Variants in HOATZ observed in about 807,000 individuals in gnomAD.
HOATZ encodes HOATZ cilia and flagella associated protein.
In HOATZ, 26 loss-of-function variants were observed where a neutral mutation model predicts 24.9. The observed-to-expected ratio is 1.04, with a 90% CI of 0.76 to 1.45. The LOEUF is 1.45. Ranked by LOEUF, HOATZ falls within the 40% of genes most tolerant of loss-of-function variation. HOATZ has a pLI of 0.00. For missense variants in HOATZ, 226 were observed against 201.5 expected, an observed-to-expected ratio of 1.12 and a Z score of -0.74; for synonymous variants, 83 against 76.6, an observed-to-expected ratio of 1.08 and a Z score of -0.43.
Position 111,533,763 on chromosome 11 carries a change from G to C in HOATZ, c.357G>C (p.Glu119Asp). 1 of 1,581,258 alleles carries C rather than the reference G, an allele frequency of 6.3e-7. No homozygotes were observed. The highest frequency in any genetic ancestry group is 8.5e-7 in the Non-Finnish European group (1 of 1,170,164). ...KYLQKAKTRE[E>D]ILQLLRKQRE... is the part of the protein sequence containing the mutation. ...TTAAACAGGCTAAAACAAGAGAAGA[G>C]ATTCTCCAACTCTTAAGAAAACAAA... The change falls in exon 4 of 6, where the codon GAG becomes GAC. Residue 119 changes from glutamate to aspartate, a missense_variant. By Grantham distance (45) the Glu-to-Asp change is conservative. Transcript: ENST00000375618.
rs1232484335 is a variant in HOATZ at position 111,533,755 on chromosome 11, A to G, written c.349A>G (p.Arg117Gly). 1 of 1,588,418 alleles carries G rather than the reference A, an allele frequency of 6.3e-7. No individual in the cohort carries two copies. Among genetic ancestry groups the G allele is most frequent in the African/African-American group, 1.4e-5 (1 of 73,006 alleles). The change falls in exon 4 of 6, where the codon AGA becomes GGA. Residue 117 changes from arginine to glycine, a missense_variant. By Grantham distance (125) the Arg-to-Gly change is moderately radical. Transcript: ENST00000375618. The part of the protein sequence containing the change: ...KVKYLQKAKT[R>G]EEILQLLRKQ... ...TTCTTTCTTTAAACAGGCTAAAACA[A>G]GAGAAGAGATTCTCCAACTCTTAAG...
At chr11:111,524,866 CTTTTCTTTT>C (rs1867316448) in intron 3 of HOATZ, 1 of 442,160 alleles carries the variant, frequency 2.3e-6, no homozygotes, top group Middle Eastern at 5.5e-4. Context: ...TTTTCTTTTT[CTTTTCTTTT>C]TTTTTAGACA....
At chr11:111,530,097 A>C (rs992482046) in intron 3 of HOATZ, among the ~76,000 whole-genome samples, 1 of 152,242 alleles carries the variant, frequency 6.6e-6, no homozygotes, top group Middle Eastern at 3.2e-3. Context: ...TATAATAACT[A>C]CCATTTATTA....
chr11:111,517,719 G>A (rs978723789), intron 3 of HOATZ, among the ~76,000 whole-genome samples: 8 of 152,130 alleles, frequency 5.3e-5, no homozygotes, highest in Non-Finnish European at 1.0e-4. Flanking sequence ...AGAACACATT[G>A]AGGGACATCA....
Position 111,536,858 on chromosome 11 carries a change from CT to C in HOATZ, c.*33del. The stretch of plus-strand genomic sequence containing the variant: ...TTGACACATGGCAGAGGATGGCTCA[CT>C]TATACCTTCACTTTGGAAACAACCT... On this transcript the variant is annotated 3_prime_UTR_variant, in exon 6 of 6. Transcript: ENST00000375618. The C allele has an allele frequency of 6.4e-7, 1 of 1,573,590 alleles. No individual in the cohort carries two copies. Among genetic ancestry groups the C allele is most frequent in the Non-Finnish European group, 8.7e-7 (1 of 1,143,356 alleles).
chr11:111,518,078 T>C (rs1309986864), intron 3 of HOATZ, among the ~76,000 whole-genome samples: 1 of 152,208 alleles, frequency 6.6e-6, no homozygotes. Flanking sequence ...CCTTCACATA[T>C]ATGCTTGCAA....
chr11:111,525,836 A>T (rs1013671398), intron 3 of HOATZ, among the ~76,000 whole-genome samples: 1 of 152,244 alleles, frequency 6.6e-6, no homozygotes, highest in Non-Finnish European at 1.5e-5. Flanking sequence ...ATTTAGAAAA[A>T]AGAAGTGCAG....
chr11:111,517,549 T>C (rs1867219583), intron 3 of HOATZ, among the ~76,000 whole-genome samples: 1 of 152,192 alleles, frequency 6.6e-6, no homozygotes, highest in Non-Finnish European at 1.5e-5. Flanking sequence ...CAGATATTTA[T>C]TGAGAACCTG....
At chr11:111,516,569 T>C (rs1373863558) in intron 3 of HOATZ, among the ~76,000 whole-genome samples, 1 of 152,066 alleles carries the variant, frequency 6.6e-6, no homozygotes, top group Admixed American at 6.6e-5. Context: ...AATTTTTAAT[T>C]TGCCAGGCCT....
rs962758569 is a variant in HOATZ at position 111,515,118 on chromosome 11, A to G, written c.226+108A>G. On this transcript the variant is annotated intron_variant, in intron 1 of 5. Transcript: ENST00000375618. ...ACTGCAATGGTATATACAAATAGTT[A>G]TAAGTACATACAAATGCATGTATAA... 6 of 717,552 alleles carry G rather than the reference A, an allele frequency of 8.4e-6. No homozygotes were observed. The Middle Eastern group carries it at 7.2e-4, about 86-fold the overall frequency. The allele number at this position is 717,552 out of a possible 1,614,324, so 44.4% of individuals were successfully genotyped here.
intron 3 of HOATZ, among the ~76,000 whole-genome samples, chr11:111,530,598 A>G (rs922786256): frequency 1.1e-4 from 16 of 152,210 alleles, no homozygotes; most frequent in African/African-American, 3.1e-4. Context: ...TCACTAGTCA[A>G]TGGTCAAAGA....
intron 3 of HOATZ, among the ~76,000 whole-genome samples, chr11:111,520,333 T>C (rs898071777): frequency 6.6e-6 from 1 of 152,206 alleles, no homozygotes; most frequent in African/African-American, 2.4e-5. Context: ...AGAGCAGTAT[T>C]TGAAGGCATA....
chr11:111,530,639 A>G (rs930551089), intron 3 of HOATZ, among the ~76,000 whole-genome samples: 2 of 152,218 alleles, frequency 1.3e-5, no homozygotes, highest in African/African-American at 2.4e-5. Flanking sequence ...ACCCCCTTGT[A>G]TTAACAGTTA....
At position 111,536,940 on chromosome 11, in the gene HOATZ, A is replaced by G. The variant is rs1489343814; in HGVS notation, c.*113A>G. 1.2e-6 allele frequency: 1 copy of G among 810,020 alleles called. No individual in the cohort carries two copies. The highest frequency in any genetic ancestry group is 2.1e-6 in the Non-Finnish European group (1 of 484,038). 50.2% of individuals were successfully genotyped at this position (810,020 alleles called of 1,614,324 possible). A position where few individuals can be genotyped will look rare whatever the true frequency, so the allele number is the denominator to read the frequency against. On this transcript the variant is annotated 3_prime_UTR_variant, in exon 6 of 6. Transcript: ENST00000375618. Reference sequence around the variant, plus strand: ...GCAACATTATAGTAGACAAAGAAATACAAGTTAAATACGCAGACTTCCAGG... The same window carrying G: ...GCAACATTATAGTAGACAAAGAAATGCAAGTTAAATACGCAGACTTCCAGG...
intron 3 of HOATZ, among the ~76,000 whole-genome samples, chr11:111,533,543 T>A (rs2135782414): frequency 6.6e-6 from 1 of 152,248 alleles, no homozygotes; most frequent in Admixed American, 6.5e-5. Context: ...AGCATTTTAA[T>A]ATTTTACAAA....
At chr11:111,520,683 A>C (rs1361376880) in intron 3 of HOATZ, among the ~76,000 whole-genome samples, 1 of 152,210 alleles carries the variant, frequency 6.6e-6, no homozygotes, top group Non-Finnish European at 1.5e-5. Flanking sequence ...ATTAAATAAA[A>C]AATTCTTGAA....
intron 5 of HOATZ, chr11:111,535,586 T>TC (rs745691219): frequency 1.3e-4 from 20 of 152,234 alleles, no homozygotes; most frequent in Non-Finnish European, 2.1e-4. Flanking sequence ...ACTAACTTTG[T>TC]CCTACATCCT....
chr11:111,527,358 AT>A (rs1308215349), intron 3 of HOATZ, among the ~76,000 whole-genome samples: 1 of 151,872 alleles, frequency 6.6e-6, no homozygotes, highest in African/African-American at 2.4e-5. Flanking sequence ...TTTTTTTCTC[AT>A]TTTAGTAAGT....
rs1348823972 is a variant in HOATZ at position 111,515,187 on chromosome 11, T to A, written c.226+177T>A. ...CAGCAACCCTTCCACCCGAAAAGGA[T>A]CAGTGGTATATATGTTACATCTAAA... On this transcript the variant is annotated intron_variant, in intron 1 of 5. Coordinates refer to ENST00000375618, the MANE Select transcript of HOATZ (RefSeq NM_001100388.2). The A allele has an allele frequency of 1.5e-5, 9 of 612,798 alleles. No homozygotes were observed. The East Asian group carries it at 2.5e-4, about 17-fold the overall frequency. 38.0% of individuals were successfully genotyped at this position (612,798 alleles called of 1,614,324 possible). A position where few individuals can be genotyped will look rare whatever the true frequency, so the allele number is the denominator to read the frequency against.
Sources: allele counts gnomAD v4.1 joint callset (sites outside exome capture counted in the v4.1 genomes callset), GRCh38; gene constraint gnomAD v4.1.1; transcripts MANE v1.5; gene names NCBI Gene and HGNC (gene_info 2026-07-23, HGNC 2026-07-21).